Variants in CARMIL1 observed in about 807,000 individuals in gnomAD.
CARMIL1 encodes the protein capping protein regulator and myosin 1 linker 1.
In CARMIL1, 90 loss-of-function variants were observed where a neutral mutation model predicts 177.1. The ratio of observed to expected loss-of-function variants is 0.51; its 90% confidence interval spans 0.43 to 0.61. CARMIL1 has a LOEUF of 0.61. CARMIL1 is among the 20% of genes least tolerant of loss of function. CARMIL1 has a pLI of 0.00. For synonymous variants in CARMIL1, 577 were observed against 606.2 expected (o/e 0.95, Z 0.71); for missense variants, 1,380 against 1,667.0 (o/e 0.83, Z 3.00).
At chr6:25,502,312 A>C (rs1197818797) in intron 17 of CARMIL1, among the ~76,000 whole-genome samples, 4 of 151,866 alleles carry the variant, frequency 2.6e-5, no homozygotes, top group Non-Finnish European at 5.9e-5. Flanking sequence ...TAATCCCAGC[A>C]CTTTGGGAGG....
chr6:25,540,547 A>G (rs951537263), intron 26 of CARMIL1, among the ~76,000 whole-genome samples: 2 of 152,180 alleles, frequency 1.3e-5, no homozygotes, highest in African/African-American at 2.4e-5. Context: ...AAGGCACCCA[A>G]GGTTGCAGAG....
At chr6:25,597,717 C>A (rs1814986998) in intron 32 of CARMIL1, among the ~76,000 whole-genome samples, 1 of 152,138 alleles carries the variant, frequency 6.6e-6, no homozygotes, top group East Asian at 1.9e-4. Context: ...GTCTCTGTGT[C>A]ATTTTTCTGT....
rs201495141 is a variant in CARMIL1 at position 25,293,545 on chromosome 6, G to A, written c.138+8636G>A. On this transcript the variant is annotated intron_variant, in intron 2 of 36. Transcript: ENST00000329474. ...GACTACAATCACATGCCACCATGCC[G>A]AATTTTTTTTTTTCCTAGAGATGGG... 7.9e-4 allele frequency among the ~76,000 whole-genome samples: 119 copies of A among 151,502 alleles called. No homozygotes were observed. The South Asian group carries it at 0.011, about 14-fold the overall frequency.
intron 24 of CARMIL1, among the ~76,000 whole-genome samples, chr6:25,531,888 A>G (rs1270368408): frequency 7.3e-5 from 11 of 151,474 alleles, no homozygotes; most frequent in Admixed American, 7.2e-4. Flanking sequence ...CTTCTGCTTC[A>G]GCTTCCCGAG....
intron 16 of CARMIL1, among the ~76,000 whole-genome samples, chr6:25,497,109 TG>T (rs1363215917): frequency 6.6e-6 from 1 of 152,204 alleles, no homozygotes; most frequent in Non-Finnish European, 1.5e-5. Flanking sequence ...AAAGCCTTCA[TG>T]GCTGAAGATT....
intron 22 of CARMIL1, among the ~76,000 whole-genome samples, chr6:25,519,180 G>A (rs918351855): frequency 5.9e-5 from 9 of 152,144 alleles, no homozygotes; most frequent in Non-Finnish European, 1.2e-4. Flanking sequence ...AATAGATGTC[G>A]TCTAAATATG....
intron 2 of CARMIL1, among the ~76,000 whole-genome samples, chr6:25,365,156 G>A (rs550069133): frequency 1.6e-3 from 242 of 152,166 alleles, no homozygotes; most frequent in Middle Eastern, 0.01. Context: ...TATTTTTTCC[G>A]TCCAGCTCTA....
chr6:25,315,917 A>G (rs1050889405), intron 2 of CARMIL1, among the ~76,000 whole-genome samples: 15 of 152,254 alleles, frequency 9.9e-5, no homozygotes, highest in Middle Eastern at 3.4e-3. Flanking sequence ...GGCCTACAGA[A>G]CCAGGTCCTG....
Position 25,563,757 on chromosome 6 carries a change from A to G in CARMIL1, c.2742+6907A>G, listed in dbSNP as rs114932667. ...CACCAGGCTTGCTACATTGAGGGGA[A>G]GAAGTGGCAAGGTAGTTTTGGTGGA... is the stretch of plus-strand genomic sequence containing the variant. On this transcript the variant is annotated intron_variant, in intron 29 of 36. Transcript: ENST00000329474. The G allele has an allele frequency of 4.0e-4, 391 of 985,444 alleles. 2 individuals are homozygous for G. The African/African-American group carries it at 6.1e-3, about 15-fold the overall frequency. 61.0% of individuals were successfully genotyped at this position (985,444 alleles called of 1,614,324 possible). A position where few individuals can be genotyped will look rare whatever the true frequency, so the allele number is the denominator to read the frequency against.
chr6:25,482,349 G>T lies in CARMIL1; in HGVS notation c.961+6G>T. ...AACCTCATTATCACCTAAAGGTACA[G>T]TATTTCTTATTTACCTAAGAGTGTG... On this transcript the variant is annotated splice_donor_region_variant and intron_variant, in intron 12 of 36. Coordinates refer to ENST00000329474, the MANE Select transcript of CARMIL1 (RefSeq NM_017640.6). 1 of 1,428,638 alleles carries T rather than the reference G, an allele frequency of 7.0e-7. No homozygotes were observed. The highest frequency in any genetic ancestry group is 9.7e-7 in the Non-Finnish European group (1 of 1,031,734). The allele number at this position is 1,428,638 out of a possible 1,614,324, so 88.5% of individuals were successfully genotyped here.
intron 15 of CARMIL1, 54 bp downstream of exon 15, chr6:25,492,078 A>G: frequency 6.8e-7 from 1 of 1,472,542 alleles, no homozygotes; most frequent in Non-Finnish European, 9.5e-7. Flanking sequence ...CTTCTGAGAA[A>G]AGTTGTAGTG....
chr6:25,459,276 T>TCTTTTC, intron 8 of CARMIL1, among the ~76,000 whole-genome samples: 1 of 134,744 alleles, frequency 7.4e-6, no homozygotes, highest in East Asian at 2.1e-4. Flanking sequence ...CTTTTTTTTT[T>TCTTTTC]TTTTAAGACA....
chr6:25,392,127 C>T (rs1257662335), intron 2 of CARMIL1, among the ~76,000 whole-genome samples: 1 of 150,412 alleles, frequency 6.6e-6, no homozygotes, highest in Admixed American at 6.6e-5. Flanking sequence ...AAGAGTTTGC[C>T]ACCTGTGCCA....
intron 2 of CARMIL1, among the ~76,000 whole-genome samples, chr6:25,384,273 A>G (rs1350965014): frequency 6.6e-6 from 1 of 152,240 alleles, no homozygotes; most frequent in Non-Finnish European, 1.5e-5. Context: ...CATTGCCAAC[A>G]CAGCTCACAC....
intron 2 of CARMIL1, among the ~76,000 whole-genome samples, chr6:25,394,837 T>C (rs1156387512): frequency 6.6e-6 from 1 of 152,268 alleles, no homozygotes; most frequent in African/African-American, 2.4e-5. Flanking sequence ...AAATGAGTAC[T>C]ACCTATTTGG....
At chr6:25,390,321 T>TATATGTATA (rs1491117122) in intron 2 of CARMIL1, among the ~76,000 whole-genome samples, 1 of 38,204 alleles carries the variant, frequency 2.6e-5, no homozygotes, top group African/African-American at 1.0e-4. Flanking sequence ...TATATATATA[T>TATATGTATA]TTTTTTTTTT....
intron 31 of CARMIL1, among the ~76,000 whole-genome samples, chr6:25,589,014 T>C (rs937490445): frequency 1.3e-5 from 2 of 152,198 alleles, no homozygotes; most frequent in African/African-American, 4.8e-5. Context: ...TAAAATGGAC[T>C]AACTCCTGGG....
At chr6:25,450,496 C>G in intron 7 of CARMIL1, 87 bp downstream of exon 7, 1 of 1,266,490 alleles carries the variant, frequency 7.9e-7, no homozygotes, top group East Asian at 2.4e-5. Context: ...CTTTTTTTCC[C>G]TTCATTTATT....
chr6:25,371,141 A>T (rs62392365), intron 2 of CARMIL1, among the ~76,000 whole-genome samples: 4,699 of 152,166 alleles, frequency 0.031, 97 homozygotes, highest in Non-Finnish European at 0.053. Flanking sequence ...TATAGACCAC[A>T]TTTTCTTTAT....
Sources: allele counts gnomAD v4.1 joint callset (sites outside exome capture counted in the v4.1 genomes callset), GRCh38; gene constraint gnomAD v4.1.1; transcripts MANE v1.5; gene names NCBI Gene and HGNC (gene_info 2026-07-23, HGNC 2026-07-21).